ZNF880: variants seen among roughly 807,000 people sequenced by gnomAD.
ZNF880 encodes zinc finger protein 880.
ZNF880 carries 12 observed loss-of-function variants against 11.8 expected under a neutral mutation model. The observed-to-expected ratio is 1.02, with a 90% CI of 0.65 to 1.65. The LOEUF is 1.65. Among genes scored for constraint, ZNF880 ranks in the 40% most tolerant of loss-of-function variants. The pLI is 0.00. For synonymous variants in ZNF880, 210 were observed against 232.4 expected (o/e 0.90, Z 0.88); for missense variants, 601 against 673.9 (o/e 0.89, Z 1.20).
At chr19:52,393,833 C>A in the ZNF880 span, among the ~76,000 whole-genome samples, 206 of 145,780 alleles carry the variant, frequency 1.4e-3, 1 homozygote, top group South Asian at 0.024. Context: ...TTTGCCCCCC[C>A]CCTTTTTTTT....
downstream of ZNF880, among the ~76,000 whole-genome samples, chr19:52,386,330 AAATG>A (rs1461955887): frequency 7.0e-6 from 1 of 143,392 alleles, no homozygotes; most frequent in Non-Finnish European, 1.5e-5. Flanking sequence ...GAATCATATA[AAATG>A]ATGATGGCAG....
the ZNF880 span, among the ~76,000 whole-genome samples, chr19:52,395,214 T>C: frequency 6.6e-6 from 1 of 152,154 alleles, no homozygotes; most frequent in Non-Finnish European, 1.5e-5. Context: ...ACCCAGCCTG[T>C]CACTTTTATT....
chr19:52,392,571 G>C, the ZNF880 span: 6 of 162,602 alleles, frequency 3.7e-5, no homozygotes, highest in African/African-American at 1.4e-4. Flanking sequence ...AAAGTGCTGG[G>C]ATTACAGGCC....
chr19:52,382,663 T>C (rs773667146), intron 3 of ZNF880, among the ~76,000 whole-genome samples: 2 of 152,232 alleles, frequency 1.3e-5, no homozygotes, highest in African/African-American at 2.4e-5. Context: ...TTATACAGTT[T>C]CCCTTTATGT....
At chr19:52,393,257 G>A in the ZNF880 span, among the ~76,000 whole-genome samples, 43 of 151,770 alleles carry the variant, frequency 2.8e-4, no homozygotes, top group African/African-American at 9.9e-4. Flanking sequence ...ATTTTTAGTA[G>A]AGAGAGGGTT....
rs1416583791 is a variant in ZNF880, at chr19:52,373,171, G to C, written c.73G>C (p.Asp25His). ...EFPQEEWKCL[D>H]PAQRTLYREV... The stretch of plus-strand genomic sequence containing the variant: ...CCCTCAGGAGGAGTGGAAATGTCTG[G>C]ACCCTGCTCAGAGGACTTTATACAG... The change falls in exon 2 of 4, where the codon GAC (aspartate) becomes CAC (histidine). Residue 25 changes from aspartate to histidine, a missense_variant. Around this residue, in one of 3 missense-constraint regions of ZNF880, gnomAD observed 420 missense variants for 442.6 expected, o/e 0.95. Transcript: ENST00000422689. The C allele has an allele frequency of 6.2e-7, 1 of 1,613,394 alleles. No individual in the cohort carries two copies. Among genetic ancestry groups the C allele is most frequent in the Non-Finnish European group, 8.5e-7 (1 of 1,179,608 alleles).
chr19:52,393,559 T>C, the ZNF880 span, among the ~76,000 whole-genome samples: 1 of 152,308 alleles, frequency 6.6e-6, no homozygotes, highest in South Asian at 2.1e-4. Context: ...TTGTTGTTGT[T>C]GGTCAGATGT....
the ZNF880 span, among the ~76,000 whole-genome samples, chr19:52,392,254 A>G: frequency 6.6e-6 from 1 of 151,488 alleles, no homozygotes; most frequent in South Asian, 2.1e-4. Flanking sequence ...GAAACCATGG[A>G]CTGACTTTCT....
Position 52,384,165 on chromosome 19 carries a change from GTCT to G in ZNF880, c.588_590del (p.Ser197del). 6.2e-7 allele frequency: 1 copy of G among 1,608,630 alleles called. No homozygotes were observed. Among genetic ancestry groups the G allele is most frequent in the Non-Finnish European group, 8.5e-7 (1 of 1,177,132 alleles). ...ATGAGCATGGCAAAGCCTTTAGAGT[GTCT>G]TCAAGACTTGCTAACAATCAAGTAA... On this transcript the variant is annotated inframe_deletion, in exon 4 of 4. Transcript: ENST00000422689.
chr19:52,391,693 A>T, the ZNF880 span: 1 of 152,172 alleles, frequency 6.6e-6, no homozygotes, highest in East Asian at 1.9e-4. Flanking sequence ...GAGAATTGGA[A>T]AACTGTCTAT....
chr19:52,395,915 G>C, the ZNF880 span, among the ~76,000 whole-genome samples: 1 of 152,132 alleles, frequency 6.6e-6, no homozygotes, highest in Non-Finnish European at 1.5e-5. Flanking sequence ...AACCCCACTT[G>C]AATGCTGTCC....
At chr19:52,369,288 G>C (rs376199876), upstream of ZNF880, among the ~76,000 whole-genome samples, 4 of 147,762 alleles carry the variant, frequency 2.7e-5, no homozygotes, top group East Asian at 8.1e-4. Context: ...CTTGAACCCA[G>C]GCGGCGGAGG....
Position 52,373,092 on chromosome 19 carries a change from A to G in ZNF880, c.13-19A>G. The G allele has an allele frequency of 6.2e-7, 1 of 1,611,100 alleles. No homozygotes were observed. Among genetic ancestry groups the G allele is most frequent in the Non-Finnish European group, 8.5e-7 (1 of 1,178,170 alleles). On this transcript the variant is annotated intron_variant, in intron 1 of 3. Coordinates refer to ENST00000422689, the MANE Select transcript of ZNF880 (RefSeq NM_001145434.2). ...ATTTTGTGTGATATCCTGTTGGTGA[A>G]ATGTGTTTTTCATTTTAGGGACACT...
Position 52,381,357 on chromosome 19 carries a change from A to G in ZNF880, c.269-2492A>G, listed in dbSNP as rs150088544. 8.6e-3 allele frequency among the ~76,000 whole-genome samples: 1,307 copies of G among 152,208 alleles called. 25 individuals are homozygous for G. Among genetic ancestry groups the G allele is most frequent in the African/African-American group, 0.03 (1,244 of 41,506 alleles). ...CATTTTATAATAATCTTTGTCTCTTATGGTTTTTGAATAAAAGTCTATTCT... is the reference window on the plus strand; with the variant it reads ...CATTTTATAATAATCTTTGTCTCTTGTGGTTTTTGAATAAAAGTCTATTCT... On this transcript the variant is annotated intron_variant, in intron 3 of 3. Coordinates refer to ENST00000422689, the MANE Select transcript of ZNF880 (RefSeq NM_001145434.2).
rs776469225 is a variant in ZNF880, at chr19:52,384,740, A to C, written c.1160A>C (p.Lys387Thr). 6.2e-7 allele frequency: 1 copy of C among 1,613,424 alleles called. No individual in the cohort carries two copies. The highest frequency in any genetic ancestry group is 8.5e-7 in the Non-Finnish European group (1 of 1,179,860). The change falls in exon 4 of 4, where the codon AAG becomes ACG. Residue 387 changes from lysine (K) to threonine (T), a missense_variant. Transcript: ENST00000422689. ...CCTTATGAATGTAAAGAATGTGGCAAGGTCTTCAGGCACAAGTTTTGTCTA... is the reference window on the plus strand; with the variant it reads ...CCTTATGAATGTAAAGAATGTGGCACGGTCTTCAGGCACAAGTTTTGTCTA... ...EKPYECKECGKVFRHKFCLTN... is the reference protein window; with the variant it reads ...EKPYECKECGTVFRHKFCLTN...
chr19:52,387,320 C>G (rs530423643), downstream of ZNF880, among the ~76,000 whole-genome samples: 155 of 144,500 alleles, frequency 1.1e-3, 30 homozygotes, highest in African/African-American at 4.1e-3. Context: ...GCCACTTCAG[C>G]CTCCTACACC....
chr19:52,370,833 G>T lies in ZNF880; in HGVS notation c.12+856G>T, dbSNP rs372792165. Among the ~76,000 whole-genome samples, 6 of 152,306 alleles carry T rather than the reference G, an allele frequency of 3.9e-5. No homozygotes were observed. In the East Asian group the frequency reaches 1.2e-3, roughly 29 times the overall value. Reference sequence around the variant, plus strand: ...GCACAGTGGTGCACGCTTGTCATTCGAGTTACTCGGAGAGGGTGTCATTTG... The same window carrying T: ...GCACAGTGGTGCACGCTTGTCATTCTAGTTACTCGGAGAGGGTGTCATTTG... On this transcript the variant is annotated intron_variant, in intron 1 of 3. Transcript: ENST00000422689.
intron 1 of ZNF880, chr19:52,370,740 C>T (rs764662550): frequency 1.3e-5 from 2 of 152,198 alleles, no homozygotes; most frequent in Non-Finnish European, 2.9e-5. Context: ...CTGAATTGAG[C>T]ACAGTTTATA....
In ZNF880 at chr19:52,384,526, A is replaced by G. The variant is rs1344277451; in HGVS notation, c.946A>G (p.Lys316Glu). 6.2e-7 allele frequency: 1 copy of G among 1,613,988 alleles called. No individual in the cohort carries two copies. The highest frequency in any genetic ancestry group is 8.5e-7 in the Non-Finnish European group (1 of 1,180,008). Residue 316 changes from lysine to glutamate, a missense_variant, in exon 4 of 4, where the codon AAA becomes GAA. Physicochemically the swap from Lys to Glu is moderately conservative, Grantham distance 56 (BLOSUM62 1). This residue lies in a region of ZNF880 where 420 missense variants were observed against 442.6 expected (regional missense o/e 0.95). Coordinates refer to ENST00000422689, the MANE Select transcript of ZNF880 (RefSeq NM_001145434.2). The stretch of plus-strand genomic sequence containing the variant: ...AAATGCACACCTTGCACGACATCAG[A>G]AAATTCATAGTGGAGAGAAACCTTA... ...NRNAHLARHQ[K>E]IHSGEKPYKC... is the part of the protein sequence containing the mutation.
Sources: gnomAD v4.1 joint callset for allele counts (sites outside exome capture counted in the v4.1 genomes callset) on GRCh38, gnomAD v4.1.1 for gene constraint, gnomAD v4.1.1 regional missense constraint, MANE v1.5 for transcripts, NCBI Gene and HGNC (gene_info 2026-07-23, HGNC 2026-07-21) for gene names.